The following TAS2R1 variants were observed in gnomAD, a reference collection of about 807,000 sequenced individuals.
The protein encoded by TAS2R1 is taste 2 receptor member 1.
For missense variants in TAS2R1, 370 were observed against 353.4 expected (o/e 1.05, Z -0.38); for synonymous variants, 141 against 134.2 (o/e 1.05, Z -0.35).
the TAS2R1 span, among the ~76,000 whole-genome samples, chr5:9,773,274 C>A: frequency 1.3e-5 from 2 of 152,020 alleles, no homozygotes; most frequent in Non-Finnish European, 2.9e-5. Flanking sequence ...AACAAACAAG[C>A]AAACAATCAA....
the TAS2R1 span, among the ~76,000 whole-genome samples, chr5:9,771,725 A>G: frequency 7.2e-5 from 11 of 151,966 alleles, no homozygotes; most frequent in African/African-American, 2.4e-4. Flanking sequence ...GAATTTCTTC[A>G]TGGTACAATC....
At chr5:9,835,554 C>T in the TAS2R1 span, among the ~76,000 whole-genome samples, 1 of 152,216 alleles carries the variant, frequency 6.6e-6, no homozygotes, top group Admixed American at 6.5e-5. Flanking sequence ...GAAAAGAATT[C>T]AGTGCTACTT....
chr5:9,873,276 A>AC, the TAS2R1 span, among the ~76,000 whole-genome samples: 231 of 151,798 alleles, frequency 1.5e-3, 1 homozygote, highest in African/African-American at 5.3e-3. Flanking sequence ...GGCCCTGGGG[A>AC]CCCCAGACTG....
At chr5:9,877,411 A>T in the TAS2R1 span, among the ~76,000 whole-genome samples, 3 of 152,350 alleles carry the variant, frequency 2.0e-5, no homozygotes, top group African/African-American at 7.2e-5. Context: ...AGCAAATTTT[A>T]ATATTGCCCC....
At chr5:9,791,867 T>C in the TAS2R1 span, among the ~76,000 whole-genome samples, 1 of 152,186 alleles carries the variant, frequency 6.6e-6, no homozygotes, top group Non-Finnish European at 1.5e-5. Flanking sequence ...AGAAGGTCCA[T>C]TTGTGAACTA....
chr5:9,650,343 G>C (rs1198231861), intron 2 of TAS2R1, among the ~76,000 whole-genome samples: 6 of 152,042 alleles, frequency 3.9e-5, no homozygotes, highest in African/African-American at 1.4e-4. Flanking sequence ...GGGAAAAAAG[G>C]GTGTGCAGGA....
At chr5:9,632,291 CA>C (rs887630648), upstream of TAS2R1, among the ~76,000 whole-genome samples, 1 of 152,060 alleles carries the variant, frequency 6.6e-6, no homozygotes, top group African/African-American at 2.4e-5. Context: ...ACTTTATTAC[CA>C]AAAAATGCTA....
intron 1 of TAS2R1, among the ~76,000 whole-genome samples, chr5:9,691,215 G>T (rs972858590): frequency 6.6e-6 from 1 of 152,304 alleles, no homozygotes; most frequent in Admixed American, 6.5e-5. Context: ...AGATAGACAG[G>T]GAGCAGAACA....
chr5:9,683,367 T>G (rs1437079199), intron 1 of TAS2R1, among the ~76,000 whole-genome samples: 1 of 152,204 alleles, frequency 6.6e-6, no homozygotes. Flanking sequence ...TCACTAGTCA[T>G]ACACATTTCA....
At chr5:9,699,976 C>T (rs556308029) in intron 1 of TAS2R1, among the ~76,000 whole-genome samples, 2 of 151,958 alleles carry the variant, frequency 1.3e-5, no homozygotes, top group Admixed American at 1.3e-4. Flanking sequence ...TCCCAAAGTT[C>T]TTCAGAAAAA....
At chr5:9,692,279 A>C (rs1741261833) in intron 1 of TAS2R1, among the ~76,000 whole-genome samples, 1 of 152,188 alleles carries the variant, frequency 6.6e-6, no homozygotes, top group South Asian at 2.1e-4. Context: ...TGAGGGATAC[A>C]GTGCACCCTT....
chr5:9,774,050 C>T, the TAS2R1 span, among the ~76,000 whole-genome samples: 1 of 152,152 alleles, frequency 6.6e-6, no homozygotes, highest in African/African-American at 2.4e-5. Context: ...ACCACTAACT[C>T]CTAGATTTGC....
the TAS2R1 span, among the ~76,000 whole-genome samples, chr5:9,800,317 G>A: frequency 2.6e-5 from 4 of 152,134 alleles, no homozygotes; most frequent in African/African-American, 9.7e-5. Flanking sequence ...CATATCTCTG[G>A]GAATGAGACA....
chr5:9,828,156 A>C, the TAS2R1 span, among the ~76,000 whole-genome samples: 7 of 151,284 alleles, frequency 4.6e-5, no homozygotes, highest in African/African-American at 1.7e-4. Context: ...ACAGAGTTTC[A>C]CTCTTGTCAC....
the TAS2R1 span, among the ~76,000 whole-genome samples, chr5:9,837,294 G>A: frequency 6.6e-6 from 1 of 152,198 alleles, no homozygotes; most frequent in African/African-American, 2.4e-5. Context: ...GCTGCTCTCT[G>A]TAGGCTGGTT....
the TAS2R1 span, among the ~76,000 whole-genome samples, chr5:9,755,085 T>C: frequency 6.6e-6 from 1 of 152,172 alleles, no homozygotes; most frequent in Non-Finnish European, 1.5e-5. Flanking sequence ...AATTCCATAA[T>C]TTACGGTTCA....
intron 1 of TAS2R1, among the ~76,000 whole-genome samples, chr5:9,674,138 A>T (rs1740824005): frequency 6.6e-6 from 1 of 152,202 alleles, no homozygotes; most frequent in Non-Finnish European, 1.5e-5. Context: ...ACATAGACAT[A>T]TATGTAACAA....
the TAS2R1 span, among the ~76,000 whole-genome samples, chr5:9,794,777 A>C: frequency 6.6e-6 from 1 of 152,152 alleles, no homozygotes; most frequent in Admixed American, 6.5e-5. Context: ...TTTCCTTATT[A>C]ACCATTTGAA....
chr5:9,820,468 AC>A, the TAS2R1 span, among the ~76,000 whole-genome samples: 1 of 152,242 alleles, frequency 6.6e-6, no homozygotes. Context: ...TAAGTCAACT[AC>A]AGTACATCAA....
Sources: gnomAD v4.1 joint callset for allele counts (sites outside exome capture counted in the v4.1 genomes callset) on GRCh38, gnomAD v4.1.1 for gene constraint, MANE v1.5 for transcripts, NCBI Gene and HGNC (gene_info 2026-07-23, HGNC 2026-07-21) for gene names.